Variants in PSMC6 observed in about 807,000 individuals in gnomAD.
PSMC6 encodes the protein proteasome 26S subunit, ATPase 6.
PSMC6 carries 3 observed loss-of-function variants against 55.9 expected under a neutral mutation model. That is an observed-to-expected ratio of 0.05 (90% confidence interval 0.02 to 0.14). The LOEUF (loss-of-function observed/expected upper bound fraction) is 0.14, where lower values mean the gene tolerates loss of function less well. Among genes scored for constraint, PSMC6 ranks in the 10% least tolerant of loss-of-function variants. The probability of loss-of-function intolerance (pLI) is 1.00; values close to 1 mark genes in which losing one functional copy is unlikely to be tolerated. For missense variants in PSMC6, 210 were observed against 478.7 expected (o/e 0.44, Z 5.24); for synonymous variants, 137 against 155.9 (o/e 0.88, Z 0.90).
chr14:52,708,717 T>C (rs2041731904), intron 3 of PSMC6, 47 bp from the exon 4 acceptor site: 5 of 1,609,262 alleles, frequency 3.1e-6, no homozygotes, highest in Non-Finnish European at 4.2e-6. Context: ...GTATGTATTT[T>C]TTTACTTTCT....
At position 52,708,377 on chromosome 14, in the gene PSMC6, A is replaced by C. The variant is rs747859403; in HGVS notation, c.154A>C (p.Ser52Arg). The change falls in exon 2 of 14, where the codon AGT becomes CGT. Residue 52 changes from serine to arginine, a missense_variant. Ser to Arg is a moderately radical substitution (Grantham distance 110). This residue lies in a region of PSMC6 where 101 missense variants were observed against 250.4 expected (regional missense o/e 0.40). Transcript: ENST00000445930. ...TGAAAATGATCTGAAGGCCCTACAG[A>C]GTGTTGGGCAGGTAGGTGATGGAGT... ...KSENDLKALQSVGQIVGEVLK... is the reference protein window; with the variant it reads ...KSENDLKALQRVGQIVGEVLK... 1 of 1,613,218 alleles carries C rather than the reference A, an allele frequency of 6.2e-7. No individual in the cohort carries two copies. Among genetic ancestry groups the C allele is most frequent in the African/African-American group, 1.3e-5 (1 of 74,890 alleles).
At chr14:52,726,751 C>T (rs1880431148) in intron 13 of PSMC6, among the ~76,000 whole-genome samples, 2 of 152,064 alleles carry the variant, frequency 1.3e-5, no homozygotes, top group African/African-American at 2.4e-5. Flanking sequence ...AAGCGATTCT[C>T]CTGCCTCAGC....
At chr14:52,711,740 A>C (rs935831415) in intron 6 of PSMC6, among the ~76,000 whole-genome samples, 1 of 152,196 alleles carries the variant, frequency 6.6e-6, no homozygotes, top group South Asian at 2.1e-4. Context: ...TGTTAGAAAA[A>C]TCCTGCTCTT....
rs943162902 is a variant in PSMC6, at chr14:52,728,342, C to T, written c.*725C>T. On this transcript the variant is annotated 3_prime_UTR_variant, in exon 14 of 14. Coordinates refer to ENST00000445930, the MANE Select transcript of PSMC6 (RefSeq NM_002806.5). ...TCTTGGTTTATGTAAGACGATAGGT[C>T]CCTGTTGAGGATGTGGAGGTCTGGA... is the stretch of plus-strand genomic sequence containing the variant. 6.6e-6 allele frequency: 1 copy of T among 152,132 alleles called. No homozygotes were observed. The highest frequency in any genetic ancestry group is 1.5e-5 in the Non-Finnish European group (1 of 68,024). 9.4% of individuals were successfully genotyped at this position (152,132 alleles called of 1,614,324 possible). A position where few individuals can be genotyped will look rare whatever the true frequency, so the allele number is the denominator to read the frequency against.
At chr14:52,721,252 A>C in intron 12 of PSMC6, 62 bp downstream of exon 12, 1 of 1,331,544 alleles carries the variant, frequency 7.5e-7, no homozygotes, top group East Asian at 2.4e-5. Flanking sequence ...ATACTTTTAG[A>C]AATTACTGAT....
chr14:52,707,258 C>T lies in PSMC6; in HGVS notation c.39C>T (p.Arg13=). 1.2e-6 allele frequency: 2 copies of T among 1,614,114 alleles called. No homozygotes were observed. The highest frequency in any genetic ancestry group is 8.5e-7 in the Non-Finnish European group (1 of 1,180,030). ...GAGATAAGGCGCTTCAGGACTACCG[C>T]AAGAAGTTGCTTGAACACAAGGAGA... ...DPRDKALQDY[R]KKLLEHKEID... Residue 13 remains arginine, a synonymous_variant, in exon 1 of 14, where the codon CGC becomes CGT. Transcript: ENST00000445930.
intron 3 of PSMC6, 96 bp downstream of exon 3, chr14:52,708,618 G>A: frequency 6.5e-7 from 1 of 1,527,916 alleles, no homozygotes. Context: ...AATGCAGAGA[G>A]AGAGAGTATT....
chr14:52,727,689 T>C lies in PSMC6; in HGVS notation c.*72T>C. 2.0e-6 allele frequency: 2 copies of C among 1,016,600 alleles called. No homozygotes were observed. Among genetic ancestry groups the C allele is most frequent in the Non-Finnish European group, 3.0e-6 (2 of 660,070 alleles). 63.0% of individuals were successfully genotyped at this position (1,016,600 alleles called of 1,614,324 possible). A position where few individuals can be genotyped will look rare whatever the true frequency, so the allele number is the denominator to read the frequency against. On this transcript the variant is annotated 3_prime_UTR_variant, in exon 14 of 14. Coordinates refer to ENST00000445930, the MANE Select transcript of PSMC6 (RefSeq NM_002806.5). ...GTAAAAATAAAGTTAAAGAAAATAA[T>C]GTATGTATTGGTAATGATGTCATTA... is the stretch of plus-strand genomic sequence containing the variant.
At position 52,727,647 on chromosome 14, in the gene PSMC6, A is replaced by G. The variant is rs183298362; in HGVS notation, c.*30A>G. The stretch of plus-strand genomic sequence containing the variant: ...CTGTAAGATTTTTGATGGCTGCATG[A>G]CAGATGTTGGCTTATTGTAAAAATA... On this transcript the variant is annotated 3_prime_UTR_variant, in exon 14 of 14. Coordinates refer to ENST00000445930, the MANE Select transcript of PSMC6 (RefSeq NM_002806.5). 3.9e-5 allele frequency: 56 copies of G among 1,442,130 alleles called. No individual in the cohort carries two copies. The African/African-American group carries it at 6.7e-4, about 17-fold the overall frequency. 89.3% of individuals were successfully genotyped at this position (1,442,130 alleles called of 1,614,324 possible). A position where few individuals can be genotyped will look rare whatever the true frequency, so the allele number is the denominator to read the frequency against.
intron 7 of PSMC6, among the ~76,000 whole-genome samples, chr14:52,717,426 C>T (rs1353540053): frequency 6.7e-6 from 1 of 149,380 alleles, no homozygotes; most frequent in Admixed American, 6.7e-5. Flanking sequence ...ACCCCCACCT[C>T]CCGGATTCAA....
At position 52,718,299 on chromosome 14, in the gene PSMC6, A is replaced by G. The variant is rs1283345320; in HGVS notation, c.662A>G (p.Tyr221Cys). ...SARLIREMFNYARDHQPCIIF... is the reference protein window; with the variant it reads ...SARLIREMFNCARDHQPCIIF... ...CGTTTGATCAGAGAAATGTTTAATTATGCTAGAGATCATCAACCATGCATC... is the reference window on the plus strand; with the variant it reads ...CGTTTGATCAGAGAAATGTTTAATTGTGCTAGAGATCATCAACCATGCATC... Residue 221 changes from tyrosine to cysteine, a missense_variant, in exon 9 of 14, where the codon TAT becomes TGT. By Grantham distance (194) the Tyr-to-Cys change is radical. Transcript: ENST00000445930. 6.2e-7 allele frequency: 1 copy of G among 1,612,790 alleles called. No homozygotes were observed. Among genetic ancestry groups the G allele is most frequent in the African/African-American group, 1.3e-5 (1 of 74,920 alleles).
At chr14:52,720,533 A>C (rs562551156) in intron 10 of PSMC6, among the ~76,000 whole-genome samples, 87 of 152,202 alleles carry the variant, frequency 5.7e-4, no homozygotes, top group African/African-American at 2.0e-3. Flanking sequence ...ATAATTGATG[A>C]AATTTTGGAC....
intron 12 of PSMC6, chr14:52,721,577 G>C (rs562677733): frequency 4.1e-4 from 65 of 157,196 alleles, no homozygotes; most frequent in African/African-American, 1.5e-3. Flanking sequence ...GAGGCAGAAG[G>C]ACCGCTTGAG....
At chr14:52,725,082 C>T (rs142262684) in intron 13 of PSMC6, among the ~76,000 whole-genome samples, 1 of 152,258 alleles carries the variant, frequency 6.6e-6, no homozygotes, top group Admixed American at 6.5e-5. Flanking sequence ...GCTCACAGAG[C>T]GTTATCAATA....
intron 13 of PSMC6, among the ~76,000 whole-genome samples, chr14:52,726,943 T>G (rs751506520): frequency 1.8e-4 from 27 of 147,632 alleles, no homozygotes; most frequent in Non-Finnish European, 7.5e-5. Context: ...TGCCCAGCCT[T>G]GAACCGGATG....
chr14:52,713,753 A>T (rs1472664838), intron 6 of PSMC6, 128 bp from the exon 7 acceptor site: 1 of 525,234 alleles, frequency 1.9e-6, no homozygotes, highest in African/African-American at 1.9e-5. Flanking sequence ...TTTACCTAGC[A>T]TGGAAGTCTA....
intron 13 of PSMC6, among the ~76,000 whole-genome samples, chr14:52,724,918 C>T (rs953971506): frequency 1.3e-5 from 2 of 152,196 alleles, no homozygotes; most frequent in Non-Finnish European, 2.9e-5. Flanking sequence ...AAATTCAACA[C>T]AGTGTTTAAA....
intron 4 of PSMC6, chr14:52,709,867 C>CAAAAA: frequency 1.0e-5 from 2 of 193,296 alleles, no homozygotes; most frequent in Non-Finnish European, 2.2e-5. Context: ...AAAAATTTCA[C>CAAAAA]ATTGTGGAGC....
At chr14:52,718,404 A>C in intron 9 of PSMC6, 52 bp downstream of exon 9, 2 of 1,548,870 alleles carry the variant, frequency 1.3e-6, no homozygotes, top group Non-Finnish European at 1.8e-6. Flanking sequence ...TAAATGTAAA[A>C]GAACCTTTTT....
Sources: allele counts gnomAD v4.1 joint callset (sites outside exome capture counted in the v4.1 genomes callset), GRCh38; gene constraint gnomAD v4.1.1; regional missense constraint gnomAD v4.1.1; transcripts MANE v1.5; gene names NCBI Gene and HGNC (gene_info 2026-07-23, HGNC 2026-07-21).